The following PITX3 variants were observed in gnomAD, a reference collection of about 807,000 sequenced individuals.
PITX3 encodes the protein paired like homeodomain 3.
In PITX3, 4 loss-of-function variants were observed where a neutral mutation model predicts 14.2. The ratio of observed to expected loss-of-function variants is 0.28; its 90% CI spans 0.14 to 0.65. The LOEUF (loss-of-function observed/expected upper bound fraction) is 0.65. PITX3 is among the 30% of genes least tolerant of loss of function. The pLI is 0.82. For missense variants in PITX3, 358 were observed against 426.8 expected (o/e 0.84, Z 1.42); for synonymous variants, 194 against 204.5 (o/e 0.95, Z 0.44).
At chr10:102,234,712 GA>G (rs1402637753) in intron 1 of PITX3, among the ~76,000 whole-genome samples, 2 of 152,122 alleles carry the variant, frequency 1.3e-5, no homozygotes, top group Non-Finnish European at 2.9e-5. Context: ...AGAGGCCATG[GA>G]AGCAACATGG....
Position 102,230,597 on chromosome 10 carries a change from A to G in PITX3, c.826T>C (p.Ser276Pro). Reference sequence around the variant, plus strand: ...CCGTGCACAGCGGGGTAGCTGAAGGAGGCGTGCTGTTTGGCTTTGAGCCGC... The same window carrying G: ...CCGTGCACAGCGGGGTAGCTGAAGGGGGCGTGCTGTTTGGCTTTGAGCCGC... ...SLRLKAKQHA[S>P]FSYPAVHGPP... is the part of the protein sequence containing the mutation. The change falls in exon 4 of 4, where the codon TCC (serine) becomes CCC (proline). Residue 276 changes from serine (S) to proline (P), a missense_variant. Coordinates refer to ENST00000370002, the MANE Select transcript of PITX3 (RefSeq NM_005029.4). 6.2e-7 allele frequency: 1 copy of G among 1,611,378 alleles called. No homozygotes were observed. The highest frequency in any genetic ancestry group is 1.1e-5 in the South Asian group (1 of 90,432).
At position 102,230,491 on chromosome 10, in the gene PITX3, G is replaced by A; in HGVS notation, c.*23C>T. 1 of 1,596,244 alleles carries A rather than the reference G, an allele frequency of 6.3e-7. No homozygotes were observed. The highest frequency in any genetic ancestry group is 1.3e-5 in the African/African-American group (1 of 74,584). ...TGTGAATCGTTGCCCCCGCCCTCGG[G>A]GATGATCTACGGGCGGGGCCGCTCA... On this transcript the variant is annotated 3_prime_UTR_variant, in exon 4 of 4. Transcript: ENST00000370002.
rs572342379 is a variant in PITX3 at position 102,230,318 on chromosome 10, G to A, written c.*196C>T. On this transcript the variant is annotated 3_prime_UTR_variant, in exon 4 of 4. Coordinates refer to ENST00000370002, the MANE Select transcript of PITX3 (RefSeq NM_005029.4). ...CCTGTTCCTGGCTTTAGTCCCAGGG[G>A]CGCGGTCTGTGTGTAGGGCCTAGTC... The A allele has an allele frequency of 4.2e-5, 31 of 729,746 alleles. No homozygotes were observed. In the African/African-American group the frequency reaches 5.3e-4, roughly 12 times the overall value. The allele number at this position is 729,746 out of a possible 1,614,324, so 45.2% of individuals were successfully genotyped here. A position where few individuals can be genotyped will look rare whatever the true frequency, so the allele number is the denominator to read the frequency against.
intron 1 of PITX3, among the ~76,000 whole-genome samples, chr10:102,232,299 A>G (rs1162114691): frequency 2.0e-5 from 3 of 152,226 alleles, no homozygotes; most frequent in Non-Finnish European, 4.4e-5. Flanking sequence ...CTGCATAGAT[A>G]TATAAACTAG....
intron 1 of PITX3, among the ~76,000 whole-genome samples, chr10:102,237,406 G>T (rs1355181060): frequency 1.3e-5 from 2 of 152,150 alleles, no homozygotes; most frequent in East Asian, 1.9e-4. Context: ...GGTGAGCCTA[G>T]GTTAGTCAGA....
rs946708406 is a variant in PITX3, at chr10:102,230,429, G to T, written c.*85C>A. The T allele has an allele frequency of 1.1e-5, 16 of 1,522,466 alleles. No individual in the cohort carries two copies. The African/African-American group carries it at 1.6e-4, about 16-fold the overall frequency. The allele number at this position is 1,522,466 out of a possible 1,614,324, so 94.3% of individuals were successfully genotyped here. On this transcript the variant is annotated 3_prime_UTR_variant, in exon 4 of 4. Coordinates refer to ENST00000370002, the MANE Select transcript of PITX3 (RefSeq NM_005029.4). Reference sequence around the variant, plus strand: ...ACACCCCTTTCAGACCCTGGGGCGGGAGCAAGCCAGTCAAAATGACCCCAG... The same window carrying T: ...ACACCCCTTTCAGACCCTGGGGCGGTAGCAAGCCAGTCAAAATGACCCCAG...
intron 1 of PITX3, among the ~76,000 whole-genome samples, chr10:102,235,709 G>A (rs368714380): frequency 2.0e-5 from 3 of 152,200 alleles, no homozygotes; most frequent in East Asian, 3.9e-4. Context: ...TGGAGTGGTG[G>A]CTAAGATCTC....
Position 102,230,871 on chromosome 10 carries a change from C to T in PITX3, c.552G>A (p.Ser184=), listed in dbSNP as rs1317704261. 2 of 1,605,470 alleles carry T rather than the reference C, an allele frequency of 1.2e-6. No individual in the cohort carries two copies. Among genetic ancestry groups the T allele is most frequent in the Non-Finnish European group, 1.7e-6 (2 of 1,176,606 alleles). Residue 184 remains serine, a synonymous_variant, in exon 4 of 4, where the codon TCG becomes TCA. Coordinates refer to ENST00000370002, the MANE Select transcript of PITX3 (RefSeq NM_005029.4). ...AGCTGGGTGGCGAGAAGACGGGCTGCGAAGCCAGAGGCCCCACGTTGACCG... is the reference window on the plus strand; with the variant it reads ...AGCTGGGTGGCGAGAAGACGGGCTGTGAAGCCAGAGGCCCCACGTTGACCG... The part of the protein sequence containing the change: ...FNSVNVGPLA[S]QPVFSPPSSI...
Position 102,230,664 on chromosome 10 carries a change from G to A in PITX3, c.759C>T (p.Pro253=), listed in dbSNP as rs1466048901. The change falls in exon 4 of 4, where the codon CCC becomes CCT. Residue 253 remains proline (P), a synonymous_variant. Coordinates refer to ENST00000370002, the MANE Select transcript of PITX3 (RefSeq NM_005029.4). ...AAAAAAAASS[P]YVYRDPCNSS... is the part of the protein sequence containing the mutation. The stretch of plus-strand genomic sequence containing the variant: ...AGTTACACGGGTCCCGATAGACGTA[G>A]GGGGAAGAGGCGGCAGCCGCGGCGG... 9.4e-6 allele frequency: 15 copies of A among 1,595,012 alleles called. No homozygotes were observed. The highest frequency in any genetic ancestry group is 8.0e-5 in the African/African-American group (6 of 74,686).
chr10:102,239,790 G>A (rs1304989000), intron 1 of PITX3, among the ~76,000 whole-genome samples: 1 of 152,224 alleles, frequency 6.6e-6, no homozygotes, highest in Non-Finnish European at 1.5e-5. Context: ...TAATTGAGCT[G>A]TGGTTAGAAT....
chr10:102,234,232 T>C (rs1198636500), intron 1 of PITX3, among the ~76,000 whole-genome samples: 1 of 152,158 alleles, frequency 6.6e-6, no homozygotes, highest in East Asian at 1.9e-4. Context: ...TAATGCCCCC[T>C]TCAACAGCTC....
chr10:102,233,756 C>A (rs1292542079), intron 1 of PITX3, among the ~76,000 whole-genome samples: 2 of 152,226 alleles, frequency 1.3e-5, no homozygotes, highest in African/African-American at 4.8e-5. Flanking sequence ...CACTCATGGA[C>A]AGCCTCTACC....
In PITX3 at chr10:102,241,466, G is replaced by C. The variant is rs1352136853; in HGVS notation, c.-146C>G. On this transcript the variant is annotated 5_prime_UTR_variant, in exon 1 of 4. Coordinates refer to ENST00000370002, the MANE Select transcript of PITX3 (RefSeq NM_005029.4). This position sits in a 1 kb window ranked among gnomAD's most constrained non-coding sequence, Gnocchi z 6.7. ...CTGCTCCCGGGCCGCCTCTCCGCTC[G>C]GGCGCTCCTGGACTCTCGGAGGGAG... 2.6e-5 allele frequency: 4 copies of C among 152,516 alleles called. No homozygotes were observed. Among genetic ancestry groups the C allele is most frequent in the African/African-American group, 4.8e-5 (2 of 41,456 alleles). 9.4% of individuals were successfully genotyped at this position (152,516 alleles called of 1,614,324 possible).
intron 1 of PITX3, among the ~76,000 whole-genome samples, chr10:102,237,957 C>CA (rs1166623649): frequency 6.6e-6 from 1 of 151,596 alleles, no homozygotes; most frequent in East Asian, 1.9e-4. Flanking sequence ...AGGGGTGTGA[C>CA]AAAAAACAGC....
At chr10:102,233,932 C>T (rs3808938) in intron 1 of PITX3, among the ~76,000 whole-genome samples, 1 of 151,970 alleles carries the variant, frequency 6.6e-6, no homozygotes, top group East Asian at 1.9e-4. Context: ...CCCTCTGCTG[C>T]GAGGAAGGGA....
intron 1 of PITX3, among the ~76,000 whole-genome samples, chr10:102,237,445 A>C (rs2070426446): frequency 6.6e-6 from 1 of 152,174 alleles, no homozygotes; most frequent in South Asian, 2.1e-4. Context: ...GGAGATCTGC[A>C]GAGAGAAACG....
chr10:102,235,192 C>T (rs1487193175), intron 1 of PITX3, among the ~76,000 whole-genome samples: 1 of 147,432 alleles, frequency 6.8e-6, no homozygotes, highest in Non-Finnish European at 1.5e-5. Context: ...CCCCCACCGC[C>T]TCCCTGGCCC....
intron 1 of PITX3, among the ~76,000 whole-genome samples, chr10:102,233,277 C>T (rs1275838608): frequency 1.4e-5 from 2 of 146,934 alleles, no homozygotes; most frequent in Non-Finnish European, 3.0e-5. Flanking sequence ...GTTTCGTTTA[C>T]GACTTCTTTC....
intron 1 of PITX3, among the ~76,000 whole-genome samples, chr10:102,238,835 C>T (rs2070465619): frequency 6.6e-6 from 1 of 152,188 alleles, no homozygotes; most frequent in African/African-American, 2.4e-5. Flanking sequence ...CTCCCTCCAC[C>T]CTGTAGCCAT....
Sources: gnomAD v4.1 joint callset for allele counts (sites outside exome capture counted in the v4.1 genomes callset) on GRCh38, gnomAD v4.1.1 for gene constraint, Gnocchi (gnomAD v3.1) non-coding constraint, MANE v1.5 for transcripts, NCBI Gene and HGNC (gene_info 2026-07-23, HGNC 2026-07-21) for gene names.